The following VIT variants were observed in gnomAD, a reference collection of about 807,000 sequenced individuals.
The protein encoded by VIT is vitrin.
A neutral mutation model predicts 78.0 loss-of-function variants in VIT; 99 were observed. The observed-to-expected ratio is 1.27, with a 90% CI of 1.08 to 1.50. The LOEUF is 1.50. Ranked by LOEUF, VIT falls within the 40% of genes most tolerant of loss-of-function variation. VIT has a pLI of 0.00. For missense variants in VIT, 1,126 were observed against 875.3 expected (o/e 1.29, Z -3.61); for synonymous variants, 374 against 334.3 (o/e 1.12, Z -1.29).
At chr2:36,735,142 CA>C (rs1464691944) in intron 3 of VIT, among the ~76,000 whole-genome samples, 2 of 151,860 alleles carry the variant, frequency 1.3e-5, no homozygotes, top group African/African-American at 4.8e-5. Context: ...GCCGGGGCAA[CA>C]GAGCGAGACT....
chr2:36,781,645 T>A (rs1474601578), intron 9 of VIT, 82 bp from the exon 10 acceptor site: 12 of 1,517,748 alleles, frequency 7.9e-6, no homozygotes. Context: ...TGGGAAACCT[T>A]ATCATCCCGG....
chr2:36,810,520 A>G (rs1167337985), intron 15 of VIT, among the ~76,000 whole-genome samples: 10 of 152,240 alleles, frequency 6.6e-5, no homozygotes, highest in Non-Finnish European at 8.8e-5. Context: ...TAATAATACT[A>G]CTACTAATAA....
At chr2:36,800,110 G>A (rs145979829) in intron 12 of VIT, among the ~76,000 whole-genome samples, 109 of 152,176 alleles carry the variant, frequency 7.2e-4, no homozygotes, top group African/African-American at 2.5e-3. Flanking sequence ...ACTCTGGGAG[G>A]CCAAGGCAGG....
At chr2:36,699,921 C>T (rs1246428302) in intron 1 of VIT, among the ~76,000 whole-genome samples, 1 of 152,158 alleles carries the variant, frequency 6.6e-6, no homozygotes, top group Non-Finnish European at 1.5e-5. Flanking sequence ...CTTAAAGTCT[C>T]TTGGCCTCAG....
chr2:36,764,916 C>G (rs529714823), intron 6 of VIT, among the ~76,000 whole-genome samples: 6 of 152,084 alleles, frequency 3.9e-5, no homozygotes, highest in African/African-American at 1.4e-4. Flanking sequence ...AAGACAGAAG[C>G]ACCTTCTTAT....
intron 8 of VIT, 152 bp from the exon 9 acceptor site, chr2:36,774,850 C>T (rs1461074598): frequency 6.9e-7 from 1 of 1,450,934 alleles, no homozygotes; most frequent in Non-Finnish European, 9.1e-7. Flanking sequence ...TTTGCCTCCT[C>T]TGCAACCCCC....
At chr2:36,811,648 A>C (rs2372714) in intron 15 of VIT, among the ~76,000 whole-genome samples, 150,439 of 151,968 alleles carry the variant, frequency 0.99, 74,474 homozygotes, top group Middle Eastern at 1. Context: ...AACTAAATTT[A>C]TTTTCTTTTT....
chr2:36,807,223 C>G (rs1469126250), intron 14 of VIT, among the ~76,000 whole-genome samples: 4 of 152,178 alleles, frequency 2.6e-5, no homozygotes, highest in Non-Finnish European at 5.9e-5. Context: ...CTGATGGGTT[C>G]CCTCAGTCCT....
intron 12 of VIT, among the ~76,000 whole-genome samples, chr2:36,792,491 C>T (rs1033870167): frequency 6.6e-6 from 1 of 152,166 alleles, no homozygotes; most frequent in African/African-American, 2.4e-5. Context: ...CAGCTCTCCT[C>T]ACACATCCAC....
chr2:36,797,527 T>C (rs1665993371), intron 12 of VIT, among the ~76,000 whole-genome samples: 1 of 152,098 alleles, frequency 6.6e-6, no homozygotes, highest in Admixed American at 6.5e-5. Flanking sequence ...GGAAGGCAGA[T>C]GGGGAGATGG....
At position 36,803,995 on chromosome 2, in the gene VIT, T is replaced by G. The variant is rs147815573; in HGVS notation, c.1163-1443T>G. Among the ~76,000 whole-genome samples the G allele has an allele frequency of 3.5e-4, 53 of 152,336 alleles. 1 individual carries two copies. The East Asian group carries it at 9.4e-3, about 27-fold the overall frequency. On this transcript the variant is annotated intron_variant, in intron 13 of 15. Transcript: ENST00000379242. ...TCTAGGGTGAACGGTCATCCCAGTT[T>G]TCCCAGAAAAACCTGGGGCTTTCAG...
intron 1 of VIT, among the ~76,000 whole-genome samples, chr2:36,709,155 T>C (rs1043399202): frequency 6.6e-6 from 1 of 151,926 alleles, no homozygotes; most frequent in African/African-American, 2.4e-5. Context: ...GTCTCAAAAA[T>C]AAATAAATAA....
rs566362319 is a variant in VIT at position 36,801,774 on chromosome 2, T to TCA, written c.1162+370_1162+371insCA. Among the ~76,000 whole-genome samples the TCA allele has an allele frequency of 6.4e-5, 8 of 125,296 alleles. 1 individual carries two copies. The highest frequency in any genetic ancestry group is 9.2e-5 in the African/African-American group (3 of 32,682). 82.2% of individuals were successfully genotyped at this position (125,296 alleles called of 152,430 possible). ...CTGGGTGGCAGAGCGAGACTCCATC[T>TCA]GAAAAAAAAAAAAAAAAGGACAAAG... On this transcript the variant is annotated intron_variant, in intron 13 of 15. Coordinates refer to ENST00000379242, the MANE Select transcript of VIT (RefSeq NM_053276.4).
At chr2:36,767,370 TG>T in intron 7 of VIT, 85 bp downstream of exon 7, 1 of 1,332,130 alleles carries the variant, frequency 7.5e-7, no homozygotes, top group Non-Finnish European at 9.8e-7. Flanking sequence ...GAGCATCTAC[TG>T]GGCTGGGTGA....
At chr2:36,801,729 T>TG (rs1281888120) in intron 13 of VIT, among the ~76,000 whole-genome samples, 1 of 146,952 alleles carries the variant, frequency 6.8e-6, no homozygotes, top group Non-Finnish European at 1.5e-5. Flanking sequence ...TGAGCCAAGA[T>TG]GGCGCCACTG....
Position 36,759,047 on chromosome 2 carries a change from G to C in VIT, c.487+1G>C. 6.2e-7 allele frequency: 1 copy of C among 1,614,100 alleles called. No individual in the cohort carries two copies. Among genetic ancestry groups the C allele is most frequent in the Non-Finnish European group, 8.5e-7 (1 of 1,180,034 alleles). On this transcript the variant is annotated splice_donor_variant, in intron 6 of 15. Coordinates refer to ENST00000379242, the MANE Select transcript of VIT (RefSeq NM_053276.4). LOFTEE classifies it high-confidence loss of function. The stretch of plus-strand genomic sequence containing the variant: ...TCGAAAAGTCCAGCTGCCCAAGCAG[G>C]CAAGTGCTCACGTGTGATTGAATCT...
intron 12 of VIT, chr2:36,788,036 TA>T: frequency 3.5e-6 from 1 of 287,390 alleles, no homozygotes; most frequent in South Asian, 2.9e-5. Flanking sequence ...ATATTGATAA[TA>T]AACAATCAAA....
intron 7 of VIT, among the ~76,000 whole-genome samples, chr2:36,772,839 T>C (rs1437866420): frequency 1.3e-5 from 2 of 152,272 alleles, no homozygotes. Context: ...TTTTTTTCCA[T>C]GCCCTCTTGC....
At chr2:36,717,463 C>T (rs901378955) in intron 2 of VIT, among the ~76,000 whole-genome samples, 6 of 150,210 alleles carry the variant, frequency 4.0e-5, no homozygotes, top group Non-Finnish European at 5.9e-5. Flanking sequence ...GTCTCGATCT[C>T]CTGACCTTGT....
Sources: allele counts gnomAD v4.1 joint callset (sites outside exome capture counted in the v4.1 genomes callset), GRCh38; gene constraint gnomAD v4.1.1; transcripts MANE v1.5; gene names NCBI Gene and HGNC (gene_info 2026-07-23, HGNC 2026-07-21).